PTPRG: variants seen among roughly 807,000 people sequenced by gnomAD.
PTPRG encodes receptor-type tyrosine-protein phosphatase gamma.
PTPRG carries 102 observed loss-of-function variants against 165.3 expected under a neutral mutation model. That is an observed-to-expected ratio of 0.62 (90% CI 0.53 to 0.73). PTPRG has a LOEUF of 0.73. PTPRG is among the 30% of genes least tolerant of loss of function. The pLI is 0.00. For synonymous variants in PTPRG, 675 were observed against 669.5 expected (o/e 1.01, Z -0.13); for missense variants, 1,866 against 1,861.4 (o/e 1.00, Z -0.05).
intron 2 of PTPRG, among the ~76,000 whole-genome samples, chr3:61,961,624 C>G (rs1354934580): frequency 6.6e-6 from 1 of 152,116 alleles, no homozygotes; most frequent in African/African-American, 2.4e-5. Context: ...TAGAAACAGA[C>G]TGAGAAAATC....
chr3:61,736,052 C>A (rs751041472), intron 1 of PTPRG, among the ~76,000 whole-genome samples: 5 of 151,706 alleles, frequency 3.3e-5, no homozygotes, highest in Non-Finnish European at 2.9e-5. Flanking sequence ...GGACTACAGG[C>A]GCAGGCCACC....
chr3:62,293,176 A>G lies in PTPRG; in HGVS notation c.4207A>G (p.Ile1403Val), dbSNP rs375535957. ...TGTTTTTCAGGAACAATACCAGTTC[A>G]TCTATAAAGCAATGCTTAGCTTGGT... is the stretch of plus-strand genomic sequence containing the variant. ...VFTDIEQYQF[I>V]YKAMLSLVST... The change falls in exon 30 of 30, where the codon ATC becomes GTC. Residue 1403 changes from isoleucine (I) to valine (V), a missense_variant. Coordinates refer to ENST00000474889, the MANE Select transcript of PTPRG (RefSeq NM_002841.4). 4.4e-6 allele frequency: 7 copies of G among 1,594,946 alleles called. No homozygotes were observed. Among genetic ancestry groups the G allele is most frequent in the East Asian group, 2.2e-5 (1 of 44,612 alleles).
intron 1 of PTPRG, among the ~76,000 whole-genome samples, chr3:61,649,603 C>T (rs1702293682): frequency 6.6e-6 from 1 of 152,222 alleles, no homozygotes; most frequent in South Asian, 2.1e-4. Flanking sequence ...GATCCCGATT[C>T]TTAATACCAT....
chr3:62,176,821 C>T (rs768926051), intron 8 of PTPRG, among the ~76,000 whole-genome samples: 4 of 152,062 alleles, frequency 2.6e-5, no homozygotes, highest in South Asian at 2.1e-4. Context: ...GCTAAGTGAA[C>T]GAATGAATAA....
At chr3:61,825,438 G>A (rs1224556183) in intron 2 of PTPRG, among the ~76,000 whole-genome samples, 2 of 152,060 alleles carry the variant, frequency 1.3e-5, no homozygotes, top group East Asian at 3.9e-4. Flanking sequence ...ATACAAAGAG[G>A]GAAAAGTGGA....
At chr3:61,907,250 G>A (rs556058940) in intron 2 of PTPRG, among the ~76,000 whole-genome samples, 1 of 152,016 alleles carries the variant, frequency 6.6e-6, no homozygotes, top group East Asian at 1.9e-4. Flanking sequence ...AGAAAAGCTC[G>A]AGGGTGACTC....
chr3:62,172,727 T>C (rs1393170988), intron 8 of PTPRG, among the ~76,000 whole-genome samples: 1 of 150,778 alleles, frequency 6.6e-6, no homozygotes, highest in African/African-American at 2.5e-5. Context: ...TCCTCTACTC[T>C]TCTGCGAAAA....
At chr3:61,743,601 C>G (rs2033087246) in intron 1 of PTPRG, among the ~76,000 whole-genome samples, 1 of 152,158 alleles carries the variant, frequency 6.6e-6, no homozygotes, top group Admixed American at 6.5e-5. Flanking sequence ...CTGGGCTTCT[C>G]TGTGTCTTAC....
intron 2 of PTPRG, among the ~76,000 whole-genome samples, chr3:61,837,240 G>A (rs1456010003): frequency 6.6e-6 from 1 of 152,174 alleles, no homozygotes; most frequent in Non-Finnish European, 1.5e-5. Flanking sequence ...TAGAGACAGT[G>A]TTTTGCCATG....
At position 62,003,493 on chromosome 3, in the gene PTPRG, TTGAGG is replaced by T; in HGVS notation, c.519+1_519+5del. ...AGCATCAATGGCAGGAGGTTTCCTGTTGAGGTGAGAGAAAGTCAAGATCTCAACGT... is the reference window on the plus strand; with the variant it reads ...AGCATCAATGGCAGGAGGTTTCCTGTTGAGAGAAAGTCAAGATCTCAACGT... On this transcript the variant is annotated splice_donor_variant and coding_sequence_variant, in exon 4 of 30. Coordinates refer to ENST00000474889, the MANE Select transcript of PTPRG (RefSeq NM_002841.4). LOFTEE classifies it high-confidence loss of function. 6.2e-7 allele frequency: 1 copy of T among 1,613,756 alleles called. No homozygotes were observed.
At chr3:61,917,892 G>A (rs867485631) in intron 2 of PTPRG, among the ~76,000 whole-genome samples, 16 of 152,190 alleles carry the variant, frequency 1.1e-4, no homozygotes, top group Admixed American at 3.3e-4. Context: ...AGATCACGCC[G>A]CTGCGATCTA....
chr3:62,149,562 G>A (rs893897964), intron 6 of PTPRG, among the ~76,000 whole-genome samples: 4 of 152,134 alleles, frequency 2.6e-5, no homozygotes, highest in Non-Finnish European at 5.9e-5. Flanking sequence ...GAGCCACTGC[G>A]CCCGGCCATC....
chr3:62,087,792 A>G (rs1701799758), intron 5 of PTPRG, among the ~76,000 whole-genome samples: 1 of 152,342 alleles, frequency 6.6e-6, no homozygotes, highest in East Asian at 1.9e-4. Context: ...TCATCTGCAT[A>G]TAATTGCCTT....
intron 4 of PTPRG, among the ~76,000 whole-genome samples, chr3:62,004,728 C>T (rs978653170): frequency 5.3e-5 from 8 of 152,156 alleles, no homozygotes; most frequent in African/African-American, 1.7e-4. Flanking sequence ...CAGTTCCAGC[C>T]GATGGCTGTA....
At chr3:61,933,377 A>G (rs2039408105) in intron 2 of PTPRG, among the ~76,000 whole-genome samples, 1 of 152,188 alleles carries the variant, frequency 6.6e-6, no homozygotes, top group Admixed American at 6.5e-5. Flanking sequence ...ATGGGCACTC[A>G]TTAAATATGT....
Position 62,294,221 on chromosome 3 carries a change from G to A in PTPRG, c.*914G>A, listed in dbSNP as rs1025437823. On this transcript the variant is annotated 3_prime_UTR_variant, in exon 30 of 30. Transcript: ENST00000474889. Reference sequence around the variant, plus strand: ...GGTAGAAGAATGAAAACTTCTGCAGGTGTGTAATTTTGAAACTAGTCCTCT... The same window carrying A: ...GGTAGAAGAATGAAAACTTCTGCAGATGTGTAATTTTGAAACTAGTCCTCT... 6.6e-6 allele frequency: 1 copy of A among 152,088 alleles called. No homozygotes were observed. The highest frequency in any genetic ancestry group is 1.5e-5 in the Non-Finnish European group (1 of 67,994). The allele number at this position is 152,088 out of a possible 1,614,324, so 9.4% of individuals were successfully genotyped here.
intron 1 of PTPRG, among the ~76,000 whole-genome samples, chr3:61,656,838 A>G (rs1702521988): frequency 6.6e-6 from 1 of 152,066 alleles, no homozygotes; most frequent in African/African-American, 2.4e-5. Context: ...TTCTCCAGAT[A>G]TTTTCTTCCA....
intron 4 of PTPRG, among the ~76,000 whole-genome samples, chr3:62,016,872 C>G (rs1206315126): frequency 6.6e-6 from 1 of 152,202 alleles, no homozygotes; most frequent in African/African-American, 2.4e-5. Flanking sequence ...TCCCTCACTC[C>G]TTTCCTAAGC....
intron 5 of PTPRG, among the ~76,000 whole-genome samples, chr3:62,081,012 C>T (rs550785380): frequency 1.3e-5 from 2 of 151,820 alleles, no homozygotes; most frequent in Non-Finnish European, 2.9e-5. Flanking sequence ...AATCCCAGCA[C>T]TTTGGAAGGC....
Sources: allele counts gnomAD v4.1 joint callset (sites outside exome capture counted in the v4.1 genomes callset), GRCh38; gene constraint gnomAD v4.1.1; transcripts MANE v1.5; gene names NCBI Gene and HGNC (gene_info 2026-07-23, HGNC 2026-07-21).